Variants in SYNJ1 observed in about 807,000 individuals in gnomAD.
SYNJ1 encodes polyphosphatidylinositol phosphatase SYNJ1.
SYNJ1 carries 78 observed loss-of-function variants against 168.2 expected under a neutral mutation model. That is an observed-to-expected ratio of 0.46 (90% CI 0.39 to 0.56). The LOEUF is 0.56. Ranked by LOEUF, SYNJ1 falls within the 20% of genes least tolerant of loss-of-function variation. The pLI, the probability that SYNJ1 is intolerant of heterozygous loss-of-function variation, is 0.00. For synonymous variants in SYNJ1, 539 were observed against 548.6 expected (o/e 0.98, Z 0.24); for missense variants, 1,303 against 1,597.6 (o/e 0.82, Z 3.14).
In SYNJ1 at chr21:32,698,824, C is replaced by A. The variant is rs7281268; in HGVS notation, c.479+1014G>T. Among the ~76,000 whole-genome samples the A allele has an allele frequency of 2.6e-3, 398 of 152,206 alleles. 2 individuals carry two copies. The highest frequency in any genetic ancestry group is 9.1e-3 in the African/African-American group (379 of 41,508). ...TTGAATCAAGACCACCTACTTATAA[C>A]CTTAAAATTTAGAATAATAAGGGAA... is the stretch of plus-strand genomic sequence containing the variant. On this transcript the variant is annotated intron_variant, in intron 4 of 32. Transcript: ENST00000674351.
rs560735508 is a variant in SYNJ1 at position 32,723,745 on chromosome 21, C to T, written c.124+3027G>A. On this transcript the variant is annotated intron_variant, in intron 2 of 32. Transcript: ENST00000674351. ...CTGAGGCAGGAGGATCAATTGAGCC[C>T]GGGAGTTCCAGGGAGTTCAATTACA... Among the ~76,000 whole-genome samples, 31 of 152,200 alleles carry T rather than the reference C, an allele frequency of 2.0e-4. No individual in the cohort carries two copies. The South Asian group carries it at 2.3e-3, about 11-fold the overall frequency.
intron 10 of SYNJ1, among the ~76,000 whole-genome samples, chr21:32,683,022 A>G (rs909455331): frequency 7.9e-5 from 12 of 152,188 alleles, no homozygotes; most frequent in African/African-American, 2.9e-4. Flanking sequence ...TATATTCTGT[A>G]GTAGAGAATT....
At chr21:32,633,101 C>CAGATA (rs536885559) in intron 32 of SYNJ1, among the ~76,000 whole-genome samples, 225 of 152,248 alleles carry the variant, frequency 1.5e-3, no homozygotes, top group African/African-American at 4.8e-3. Flanking sequence ...TATTCCAAAA[C>CAGATA]AGATACACTA....
chr21:32,685,111 G>C (rs1394332860), intron 9 of SYNJ1, among the ~76,000 whole-genome samples: 1 of 150,908 alleles, frequency 6.6e-6, no homozygotes, highest in Non-Finnish European at 1.5e-5. Context: ...GAGCCCGGGA[G>C]GCGGAGCTTG....
chr21:32,714,088 T>C (rs948477172), intron 2 of SYNJ1, among the ~76,000 whole-genome samples: 2 of 152,204 alleles, frequency 1.3e-5, no homozygotes, highest in African/African-American at 4.8e-5. Context: ...CTTTTCTACA[T>C]GTATTATAAT....
chr21:32,678,481 AACAG>A (rs1459800479), intron 12 of SYNJ1, among the ~76,000 whole-genome samples, 160 bp downstream of exon 12: 7 of 152,182 alleles, frequency 4.6e-5, no homozygotes, highest in Admixed American at 3.9e-4. Flanking sequence ...AATATTTTAA[AACAG>A]ACAAACTTCC....
At chr21:32,666,615 T>G (rs1445135079) in intron 15 of SYNJ1, 42 bp from the exon 16 acceptor site, 2 of 1,583,804 alleles carry the variant, frequency 1.3e-6, no homozygotes, top group South Asian at 1.2e-5. Flanking sequence ...AAAAAGGTAT[T>G]GACAATAGCC....
chr21:32,650,417 C>T, intron 22 of SYNJ1, 71 bp from the exon 23 acceptor site: 1 of 1,352,382 alleles, frequency 7.4e-7, no homozygotes, highest in East Asian at 2.3e-5. Flanking sequence ...AAGAGGCTGA[C>T]TTCGTTAAAC....
At chr21:32,655,266 G>A (rs190731993) in intron 21 of SYNJ1, among the ~76,000 whole-genome samples, 28 of 152,254 alleles carry the variant, frequency 1.8e-4, no homozygotes, top group African/African-American at 4.8e-4. Context: ...CTACTCTGCT[G>A]CCCACTCACA....
intron 6 of SYNJ1, among the ~76,000 whole-genome samples, chr21:32,689,399 C>T (rs1212878569): frequency 3.3e-5 from 5 of 152,118 alleles, no homozygotes; most frequent in Admixed American, 1.3e-4. Context: ...CGGGTTCAGG[C>T]GATTCTCCTG....
intron 2 of SYNJ1, among the ~76,000 whole-genome samples, chr21:32,707,283 CTTT>C (rs367843525): frequency 3.1e-5 from 4 of 130,576 alleles, no homozygotes; most frequent in Non-Finnish European, 4.9e-5. Flanking sequence ...TTTCTTTTTC[CTTT>C]TTTTTTTTTT....
Position 32,678,780 on chromosome 21 carries a change from C to T in SYNJ1, c.1375G>A (p.Val459Ile), listed in dbSNP as rs2041511941. ...AAGTTATTCTGAATTGTTCGGGTAA[C>T]AGAGCGAGCACCATCTTTTAACTTT... ...KAKLKDGARSVTRTIQNNFFD... is the reference protein window; with the variant it reads ...KAKLKDGARSITRTIQNNFFD... Residue 459 changes from valine to isoleucine, a missense_variant, in exon 12 of 33, where the codon GTT becomes ATT. This residue lies in a region of SYNJ1 where 920 missense variants were observed against 1,208.8 expected (regional missense o/e 0.76). Transcript: ENST00000674351. 6.2e-7 allele frequency: 1 copy of T among 1,611,702 alleles called. No homozygotes were observed. The highest frequency in any genetic ancestry group is 1.3e-5 in the African/African-American group (1 of 74,756).
intron 14 of SYNJ1, among the ~76,000 whole-genome samples, chr21:32,671,435 C>G (rs933669492): frequency 2.0e-5 from 3 of 152,172 alleles, no homozygotes; most frequent in Non-Finnish European, 4.4e-5. Context: ...ATAAAAACAT[C>G]TTCTAAGAAA....
In SYNJ1 at chr21:32,631,115, C is replaced by T. The variant is rs559102258; in HGVS notation, c.*690G>A. The T allele has an allele frequency of 8.9e-5, 144 of 1,614,136 alleles. 2 individuals are homozygous for T. In the South Asian group the frequency reaches 9.2e-4, roughly 10 times the overall value. On this transcript the variant is annotated 3_prime_UTR_variant, in exon 33 of 33. Transcript: ENST00000674351. ...CAGGAGGTGGAGGAGGTCTTCTTGACGGCAACACACAGAAGGAGACATTTG... is the reference window on the plus strand; with the variant it reads ...CAGGAGGTGGAGGAGGTCTTCTTGATGGCAACACACAGAAGGAGACATTTG...
chr21:32,726,068 C>T (rs1307100119), intron 2 of SYNJ1, among the ~76,000 whole-genome samples: 1 of 152,110 alleles, frequency 6.6e-6, no homozygotes, highest in Non-Finnish European at 1.5e-5. Context: ...TCAAACTCCC[C>T]GCCTCAAGCG....
intron 21 of SYNJ1, 128 bp downstream of exon 21, chr21:32,656,559 T>C (rs1426188476): frequency 4.1e-6 from 3 of 732,874 alleles, no homozygotes; most frequent in Non-Finnish European, 6.5e-6. Context: ...AAAATACTCA[T>C]ATACTAAACA....
intron 2 of SYNJ1, among the ~76,000 whole-genome samples, chr21:32,714,556 G>A (rs1264987964): frequency 3.9e-5 from 6 of 152,162 alleles, no homozygotes; most frequent in Non-Finnish European, 8.8e-5. Context: ...TAGAGAGAAT[G>A]TGTGAAATGT....
chr21:32,645,628 GA>G lies in SYNJ1; in HGVS notation c.3391+17del. 1.3e-6 allele frequency: 2 copies of G among 1,515,474 alleles called. No homozygotes were observed. The highest frequency in any genetic ancestry group is 1.3e-5 in the South Asian group (1 of 75,802). The allele number at this position is 1,515,474 out of a possible 1,614,324, so 93.9% of individuals were successfully genotyped here. Reference sequence around the variant, plus strand: ...AAGAATTTTACATCTAGCAGAAATGGAAATAAAAGGTTGTCACCTGAAGGCG... The same window carrying G: ...AAGAATTTTACATCTAGCAGAAATGGAATAAAAGGTTGTCACCTGAAGGCG... On this transcript the variant is annotated intron_variant, in intron 25 of 32. Coordinates refer to ENST00000674351, the MANE Select transcript of SYNJ1 (RefSeq NM_203446.3).
At chr21:32,637,228 T>C (rs1355857022) in intron 31 of SYNJ1, among the ~76,000 whole-genome samples, 1 of 151,940 alleles carries the variant, frequency 6.6e-6, no homozygotes, top group Non-Finnish European at 1.5e-5. Context: ...AAGCTCAGAG[T>C]GGCTAGTTGA....
Sources: allele counts gnomAD v4.1 joint callset (sites outside exome capture counted in the v4.1 genomes callset), GRCh38; gene constraint gnomAD v4.1.1; regional missense constraint gnomAD v4.1.1; transcripts MANE v1.5; gene names NCBI Gene and HGNC (gene_info 2026-07-23, HGNC 2026-07-21).